The following SYTL3 variants were observed in gnomAD, a reference collection of about 807,000 sequenced individuals.
SYTL3 encodes the protein synaptotagmin-like protein 3.
In SYTL3, 88 loss-of-function variants were observed where a neutral mutation model predicts 82.1. The observed-to-expected ratio is 1.07, with a 90% CI of 0.90 to 1.28. SYTL3 has a LOEUF of 1.28. SYTL3 is among the 50% of genes most tolerant of loss of function. The pLI, the probability that SYTL3 is intolerant of heterozygous loss-of-function variation, is 0.00. For synonymous variants in SYTL3, 311 were observed against 289.4 expected (o/e 1.07, Z -0.76); for missense variants, 831 against 757.6 (o/e 1.10, Z -1.14).
chr6:158,736,251 T>A (rs192132075), intron 11 of SYTL3, among the ~76,000 whole-genome samples: 1 of 151,834 alleles, frequency 6.6e-6, no homozygotes, highest in East Asian at 1.9e-4. Context: ...CTCGGGAGGC[T>A]GAGGCAGGAG....
chr6:158,750,974 T>C (rs1562461050), intron 12 of SYTL3, among the ~76,000 whole-genome samples: 1 of 152,114 alleles, frequency 6.6e-6, no homozygotes, highest in East Asian at 1.9e-4. Flanking sequence ...TTTTGTATTT[T>C]TAGTAGAGAC....
intron 15 of SYTL3, among the ~76,000 whole-genome samples, chr6:158,761,301 C>CTTTTTTT (rs11463987): frequency 0.011 from 1,015 of 93,720 alleles, 75 homozygotes; most frequent in Middle Eastern, 0.021. Context: ...ATGCACATTT[C>CTTTTTTT]TTTTTTTTTT....
chr6:158,675,296 A>T (rs901397401), intron 5 of SYTL3, among the ~76,000 whole-genome samples: 1 of 152,146 alleles, frequency 6.6e-6, no homozygotes, highest in Non-Finnish European at 1.5e-5. Context: ...GAGGTTAAGC[A>T]AGGGAGAGTT....
At chr6:158,726,157 C>T (rs960772268) in intron 11 of SYTL3, 4 of 427,980 alleles carry the variant, frequency 9.3e-6, no homozygotes, top group African/African-American at 6.2e-5. Context: ...CTCCCTTTGC[C>T]TTCATAGCAC....
chr6:158,721,728 G>C (rs1190871218), intron 10 of SYTL3, among the ~76,000 whole-genome samples: 1 of 152,126 alleles, frequency 6.6e-6, no homozygotes, highest in African/African-American at 2.4e-5. Context: ...TCCCTCCCCA[G>C]TTCAAGTGAT....
At chr6:158,734,841 T>C (rs902168058) in intron 11 of SYTL3, among the ~76,000 whole-genome samples, 8 of 152,228 alleles carry the variant, frequency 5.3e-5, no homozygotes, top group Non-Finnish European at 1.0e-4. Context: ...TTACCATTTA[T>C]TGAAAGCCCA....
intron 6 of SYTL3, among the ~76,000 whole-genome samples, chr6:158,701,061 C>T (rs903955502): frequency 6.6e-6 from 1 of 152,176 alleles, no homozygotes; most frequent in African/African-American, 2.4e-5. Flanking sequence ...AGTTTTAGTG[C>T]AGGCGTGCAC....
chr6:158,751,206 A>G (rs1788340823), intron 12 of SYTL3, among the ~76,000 whole-genome samples: 1 of 151,602 alleles, frequency 6.6e-6, no homozygotes, highest in African/African-American at 2.4e-5. Flanking sequence ...GTGATTTTTT[A>G]CTTTGGAAAG....
At chr6:158,699,603 G>C in intron 6 of SYTL3, among the ~76,000 whole-genome samples, 1 of 152,060 alleles carries the variant, frequency 6.6e-6, no homozygotes, top group South Asian at 2.1e-4. Flanking sequence ...TGTGAGCCCT[G>C]CTGTGGGTAG....
chr6:158,658,040 C>T (rs1016220071), intron 2 of SYTL3, among the ~76,000 whole-genome samples: 2 of 152,108 alleles, frequency 1.3e-5, no homozygotes, highest in African/African-American at 4.8e-5. Flanking sequence ...CTACAGGCGC[C>T]TGCCACAACA....
intron 5 of SYTL3, among the ~76,000 whole-genome samples, chr6:158,681,632 C>T (rs558270357): frequency 3.9e-5 from 6 of 152,090 alleles, no homozygotes; most frequent in African/African-American, 7.2e-5. Flanking sequence ...GACTTGAGAT[C>T]GTGCCACTGC....
At position 158,702,951 on chromosome 6, in the gene SYTL3, G is replaced by A. The variant is rs897966012; in HGVS notation, c.395-4279G>A. 5.3e-5 allele frequency among the ~76,000 whole-genome samples: 8 copies of A among 152,002 alleles called. No homozygotes were observed. The South Asian group carries it at 8.3e-4, about 16-fold the overall frequency. ...GGACGAATCACAAGGTCAGGAGATC[G>A]AGACCATCCTGGCTAATACGGTGAA... On this transcript the variant is annotated intron_variant, in intron 6 of 17. Transcript: ENST00000611299.
intron 9 of SYTL3, among the ~76,000 whole-genome samples, chr6:158,717,605 T>C (rs1340343922): frequency 2.0e-5 from 3 of 149,124 alleles, no homozygotes; most frequent in Non-Finnish European, 4.4e-5. Context: ...TTTCCAGGGT[T>C]TGTTTATTAT....
intron 3 of SYTL3, among the ~76,000 whole-genome samples, chr6:158,661,900 ATATATTAC>A (rs1789421166): frequency 1.3e-5 from 2 of 152,246 alleles, no homozygotes; most frequent in South Asian, 2.1e-4. Flanking sequence ...CAAGGAACAC[ATATATTAC>A]TATATTACAA....
At chr6:158,714,613 T>A (rs1783147265) in intron 9 of SYTL3, among the ~76,000 whole-genome samples, 1 of 152,218 alleles carries the variant, frequency 6.6e-6, no homozygotes, top group African/African-American at 2.4e-5. Flanking sequence ...CTGTTTATCT[T>A]AAAATTCAAG....
chr6:158,646,244 A>G (rs1352424794), upstream of SYTL3, among the ~76,000 whole-genome samples: 1 of 152,172 alleles, frequency 6.6e-6, no homozygotes, highest in East Asian at 1.9e-4. Context: ...AAGACCACTA[A>G]GAGCTTGAAC....
chr6:158,728,511 G>T (rs1170064777), intron 11 of SYTL3, among the ~76,000 whole-genome samples: 1 of 152,190 alleles, frequency 6.6e-6, no homozygotes, highest in African/African-American at 2.4e-5. Context: ...CTGTATCTTT[G>T]TAGTAAGTCT....
At chr6:158,750,874 C>A (rs962926940) in intron 12 of SYTL3, among the ~76,000 whole-genome samples, 2 of 152,302 alleles carry the variant, frequency 1.3e-5, no homozygotes, top group South Asian at 2.1e-4. Flanking sequence ...CGGCTCACTG[C>A]AACCTCCATC....
intron 6 of SYTL3, among the ~76,000 whole-genome samples, chr6:158,689,159 G>T (rs1779591926): frequency 6.6e-6 from 1 of 152,168 alleles, no homozygotes; most frequent in African/African-American, 2.4e-5. Flanking sequence ...ATAATGCAAA[G>T]AATATCCTTG....
Sources: gnomAD v4.1 joint callset for allele counts (sites outside exome capture counted in the v4.1 genomes callset) on GRCh38, gnomAD v4.1.1 for gene constraint, MANE v1.5 for transcripts, NCBI Gene and HGNC (gene_info 2026-07-23, HGNC 2026-07-21) for gene names.